The following IQSEC1 variants were observed in gnomAD, a reference collection of about 807,000 sequenced individuals.
IQSEC1 encodes IQ motif and Sec7 domain ArfGEF 1.
IQSEC1 carries 31 observed loss-of-function variants against 91.0 expected under a neutral mutation model. The observed-to-expected ratio is 0.34, with a 90% confidence interval of 0.26 to 0.46. The LOEUF (loss-of-function observed/expected upper bound fraction) is 0.46, where lower values mean the gene tolerates loss of function less well. Among genes scored for constraint, IQSEC1 ranks in the 20% least tolerant of loss-of-function variants. The pLI is 1.00. For missense variants in IQSEC1, 1,388 were observed against 1,575.6 expected, an observed-to-expected ratio of 0.88 and a Z score of 2.02; for synonymous variants, 699 against 662.6, an observed-to-expected ratio of 1.05 and a Z score of -0.84.
intron 1 of IQSEC1, among the ~76,000 whole-genome samples, chr3:13,051,225 G>T (rs955315348): frequency 1.3e-5 from 2 of 152,136 alleles, no homozygotes; most frequent in Non-Finnish European, 2.9e-5. Context: ...GAGACAAGCA[G>T]CCCATTCCAG....
At position 12,897,702 on chromosome 3, in the gene IQSEC1, G is replaced by C. The variant is rs144434852; in HGVS notation, c.*3281C>G. Reference sequence around the variant, plus strand: ...TACAAGGAGAACTGTAAGACTGTGCGTGCTTACCTGCGGGCACAGAGCTTC... The same window carrying C: ...TACAAGGAGAACTGTAAGACTGTGCCTGCTTACCTGCGGGCACAGAGCTTC... On this transcript the variant is annotated 3_prime_UTR_variant, in exon 14 of 14. Coordinates refer to ENST00000613206, the MANE Select transcript of IQSEC1 (RefSeq NM_001134382.3). 1.3e-5 allele frequency: 2 copies of C among 152,310 alleles called. No individual in the cohort carries two copies. The highest frequency in any genetic ancestry group is 2.9e-5 in the Non-Finnish European group (2 of 68,026). The allele number at this position is 152,310 out of a possible 1,614,324, so 9.4% of individuals were successfully genotyped here. A position where few individuals can be genotyped will look rare whatever the true frequency, so the allele number is the denominator to read the frequency against.
intron 1 of IQSEC1, among the ~76,000 whole-genome samples, chr3:13,199,774 C>T (rs1694204977): frequency 4.3e-5 from 2 of 46,550 alleles, no homozygotes; most frequent in African/African-American, 9.4e-5. Context: ...GGATGCCCTT[C>T]CCTCTGCTCC....
chr3:13,191,656 T>C (rs1352017165), intron 1 of IQSEC1, among the ~76,000 whole-genome samples: 3 of 152,222 alleles, frequency 2.0e-5, no homozygotes, highest in African/African-American at 7.2e-5. Context: ...GTTTTTTATC[T>C]TTTTATTCTT....
intron 1 of IQSEC1, among the ~76,000 whole-genome samples, chr3:12,998,492 A>T (rs1428753167): frequency 6.6e-6 from 1 of 152,168 alleles, no homozygotes; most frequent in East Asian, 1.9e-4. Flanking sequence ...TTTATGTAAG[A>T]AAGAGGGAGT....
upstream of IQSEC1, among the ~76,000 whole-genome samples, chr3:13,078,217 G>C (rs1269094291): frequency 1.3e-5 from 2 of 152,194 alleles, no homozygotes; most frequent in Non-Finnish European, 2.9e-5. Flanking sequence ...CACATGAGCA[G>C]AGGGCACCTA....
chr3:12,943,541 C>G (rs1300541901), intron 1 of IQSEC1, among the ~76,000 whole-genome samples: 1 of 152,178 alleles, frequency 6.6e-6, no homozygotes, highest in Admixed American at 6.5e-5. Flanking sequence ...CTCCCACGGG[C>G]CGGGGTGGAG....
chr3:13,247,384 G>A (rs1041459272), intron 1 of IQSEC1, among the ~76,000 whole-genome samples: 3 of 152,140 alleles, frequency 2.0e-5, no homozygotes, highest in South Asian at 2.1e-4. Flanking sequence ...CTGCTCTGTC[G>A]GGGACAGCCA....
intron 1 of IQSEC1, among the ~76,000 whole-genome samples, chr3:13,071,996 C>T (rs2125114690): frequency 6.6e-6 from 1 of 152,372 alleles, no homozygotes; most frequent in African/African-American, 2.4e-5. Flanking sequence ...GTTCCACAGG[C>T]CCCTGCCATG....
intron 1 of IQSEC1, among the ~76,000 whole-genome samples, chr3:13,041,684 C>A (rs929999824): frequency 1.3e-5 from 2 of 152,170 alleles, no homozygotes; most frequent in Non-Finnish European, 2.9e-5. Context: ...TATGAACATT[C>A]GGGCTTGTGG....
chr3:13,021,177 G>T (rs1275720913), intron 1 of IQSEC1, among the ~76,000 whole-genome samples: 4 of 152,198 alleles, frequency 2.6e-5, no homozygotes, highest in Non-Finnish European at 5.9e-5. Context: ...CCCCTTTACA[G>T]ATGGGGAGAC....
At chr3:13,030,476 G>T (rs1006347618) in intron 1 of IQSEC1, among the ~76,000 whole-genome samples, 2 of 152,156 alleles carry the variant, frequency 1.3e-5, no homozygotes, top group Non-Finnish European at 2.9e-5. Context: ...AAAATCAACT[G>T]GCTTAAAAAA....
intron 2 of IQSEC1, among the ~76,000 whole-genome samples, chr3:13,120,699 C>T (rs977769775): frequency 6.6e-6 from 1 of 152,218 alleles, no homozygotes; most frequent in African/African-American, 2.4e-5. Flanking sequence ...CAACGACGGG[C>T]TGGCCAGGTA....
At chr3:13,011,507 G>C (rs937151164) in intron 1 of IQSEC1, among the ~76,000 whole-genome samples, 1 of 152,206 alleles carries the variant, frequency 6.6e-6, no homozygotes, top group African/African-American at 2.4e-5. Flanking sequence ...TGCCCAGGGG[G>C]TTACAGCAAC....
intron 1 of IQSEC1, among the ~76,000 whole-genome samples, chr3:13,231,814 C>A (rs1382199799): frequency 6.6e-6 from 1 of 152,228 alleles, no homozygotes; most frequent in Non-Finnish European, 1.5e-5. Flanking sequence ...GGAAGTTGGA[C>A]TATTTTTATT....
chr3:13,068,413 G>A (rs1705307473), intron 1 of IQSEC1, among the ~76,000 whole-genome samples: 1 of 152,208 alleles, frequency 6.6e-6, no homozygotes, highest in Non-Finnish European at 1.5e-5. Context: ...ATACAACGGG[G>A]AGCAGGCCTG....
At chr3:12,963,647 A>G (rs765819480) in intron 1 of IQSEC1, among the ~76,000 whole-genome samples, 9 of 152,208 alleles carry the variant, frequency 5.9e-5, no homozygotes, top group Non-Finnish European at 8.8e-5. Flanking sequence ...ATCAAGACTC[A>G]GAGATGGAAG....
In IQSEC1 at chr3:12,897,956, T is replaced by G. The variant is rs1693813702; in HGVS notation, c.*3027A>C. On this transcript the variant is annotated 3_prime_UTR_variant, in exon 14 of 14. Transcript: ENST00000613206. ...CTTAAAAAAATACAAATACATGATT[T>G]GATTGTTGTCCCAGAAAAGACTTTT... 6.6e-6 allele frequency: 1 copy of G among 152,278 alleles called. No individual in the cohort carries two copies. The highest frequency in any genetic ancestry group is 1.5e-5 in the Non-Finnish European group (1 of 68,056). 9.4% of individuals were successfully genotyped at this position (152,278 alleles called of 1,614,324 possible).
intron 2 of IQSEC1, among the ~76,000 whole-genome samples, chr3:13,096,015 C>T (rs1019320723): frequency 5.9e-5 from 9 of 152,236 alleles, no homozygotes; most frequent in Non-Finnish European, 1.3e-4. Flanking sequence ...TCAATCCTGG[C>T]TCCTGCACAT....
intron 8 of IQSEC1, among the ~76,000 whole-genome samples, chr3:12,914,105 T>G (rs1695837240): frequency 6.6e-6 from 1 of 152,218 alleles, no homozygotes; most frequent in South Asian, 2.1e-4. Flanking sequence ...AAGATTCCTA[T>G]GGTCCTGATG....
Sources: gnomAD v4.1 joint callset for allele counts (sites outside exome capture counted in the v4.1 genomes callset) on GRCh38, gnomAD v4.1.1 for gene constraint, MANE v1.5 for transcripts, NCBI Gene and HGNC (gene_info 2026-07-23, HGNC 2026-07-21) for gene names.